KIAA1549: variants seen among roughly 807,000 people sequenced by gnomAD.
The protein encoded by KIAA1549 is KIAA1549.
KIAA1549 carries 70 observed loss-of-function variants against 156.4 expected under a neutral mutation model. The ratio of observed to expected loss-of-function variants is 0.45; its 90% CI spans 0.37 to 0.55. The LOEUF is 0.55. Among genes scored for constraint, KIAA1549 ranks in the 20% least tolerant of loss-of-function variants. KIAA1549 has a pLI of 0.00. For missense variants in KIAA1549, 2,428 were observed against 2,540.9 expected (o/e 0.96, Z 0.96); for synonymous variants, 1,103 against 1,066.4 (o/e 1.03, Z -0.67).
At chr7:138,949,160 T>C (rs1397861296) in intron 1 of KIAA1549, among the ~76,000 whole-genome samples, 1 of 152,202 alleles carries the variant, frequency 6.6e-6, no homozygotes, top group Non-Finnish European at 1.5e-5. Context: ...TTGAGACATC[T>C]GTCTACCAAG....
intron 15 of KIAA1549, among the ~76,000 whole-genome samples, chr7:138,861,826 G>T (rs150979303): frequency 6.6e-6 from 1 of 151,988 alleles, no homozygotes; most frequent in African/African-American, 2.4e-5. Flanking sequence ...AGCTATAATC[G>T]CATCATTGTA....
chr7:138,859,051 A>ACACACACACG, intron 16 of KIAA1549, among the ~76,000 whole-genome samples: 1 of 149,574 alleles, frequency 6.7e-6, no homozygotes, highest in South Asian at 2.1e-4. Context: ...ACACACACAC[A>ACACACACACG]CGAACAGAAA....
In KIAA1549 at chr7:138,852,241, G is replaced by A. The variant is rs756471211; in HGVS notation, c.5276C>T (p.Pro1759Leu). 60 of 1,609,872 alleles carry A rather than the reference G, an allele frequency of 3.7e-5. No homozygotes were observed. Among genetic ancestry groups the A allele is most frequent in the Middle Eastern group, 1.7e-4 (1 of 6,058 alleles). The stretch of plus-strand genomic sequence containing the variant: ...ACCTTACCTTGGCAATGGACCCGTC[G>A]GGGGAGTCATTCCATAGTCTTCGTA... The part of the protein sequence containing the change: ...SRYEDYGMTP[P>L]TGPLPRPGFG... Residue 1759 changes from proline to leucine, a missense_variant, in exon 17 of 20, where the codon CCG (proline) becomes CTG (leucine). Around this residue, in one of 5 missense-constraint regions of KIAA1549, gnomAD observed 363 missense variants for 354.0 expected, o/e 1.03. Coordinates refer to ENST00000422774, the MANE Select transcript of KIAA1549 (RefSeq NM_001164665.2).
At chr7:138,844,596 T>C in intron 17 of KIAA1549, 122 bp from the exon 18 acceptor site, 1 of 907,436 alleles carries the variant, frequency 1.1e-6, no homozygotes. Flanking sequence ...AGCCATCTCC[T>C]CTCCTGGAAG....
chr7:138,967,102 T>C (rs1053409407), intron 1 of KIAA1549, among the ~76,000 whole-genome samples: 11 of 152,146 alleles, frequency 7.2e-5, no homozygotes, highest in African/African-American at 2.7e-4. Context: ...ATTAACTTTG[T>C]CCACTGATGT....
At chr7:138,882,813 C>T (rs540623234) in intron 10 of KIAA1549, among the ~76,000 whole-genome samples, 1 of 151,980 alleles carries the variant, frequency 6.6e-6, no homozygotes, top group African/African-American at 2.4e-5. Context: ...CAAAAACGTG[C>T]CCCACTCAAA....
At chr7:138,902,101 T>TAG (rs1811858970) in intron 8 of KIAA1549, among the ~76,000 whole-genome samples, 1 of 152,238 alleles carries the variant, frequency 6.6e-6, no homozygotes, top group Admixed American at 6.5e-5. Flanking sequence ...TCTTTGTTGA[T>TAG]ACTTATTCGT....
intron 9 of KIAA1549, among the ~76,000 whole-genome samples, chr7:138,896,519 T>C (rs1811688220): frequency 1.3e-5 from 2 of 152,128 alleles, no homozygotes; most frequent in African/African-American, 4.8e-5. Context: ...ACGGACAATA[T>C]AGAAGTACGG....
rs758915500 is a variant in KIAA1549 at position 138,919,177 on chromosome 7, A to G, written c.449T>C (p.Val150Ala). ...ATCCATCTCATCGTCATTGACGGCC[A>G]CCTCTTTACTCGTCACTGACACGTA... Reference protein sequence around the residue: ...ATYVSVTSKEVAVNDDEMDNF... With the variant: ...ATYVSVTSKEAAVNDDEMDNF... The change falls in exon 2 of 20, where the codon GTG (valine) becomes GCG (alanine). Residue 150 changes from valine to alanine, a missense_variant. This residue lies in a region of KIAA1549 where 893 missense variants were observed against 847.9 expected (regional missense o/e 1.05). Coordinates refer to ENST00000422774, the MANE Select transcript of KIAA1549 (RefSeq NM_001164665.2). 3.1e-6 allele frequency: 5 copies of G among 1,613,726 alleles called. No homozygotes were observed. Among genetic ancestry groups the G allele is most frequent in the Non-Finnish European group, 4.2e-6 (5 of 1,179,868 alleles).
At chr7:138,895,641 C>T (rs948623513) in intron 9 of KIAA1549, among the ~76,000 whole-genome samples, 10 of 151,984 alleles carry the variant, frequency 6.6e-5, no homozygotes, top group African/African-American at 2.4e-4. Flanking sequence ...GATGGTTACA[C>T]AGCCTTGTGA....
At chr7:138,903,454 A>T in intron 8 of KIAA1549, 134 bp downstream of exon 8, 1 of 876,680 alleles carries the variant, frequency 1.1e-6, no homozygotes, top group Non-Finnish European at 1.7e-6. Context: ...TATAGCGATC[A>T]GTGGAAATCA....
chr7:138,963,274 A>C (rs981555233), intron 1 of KIAA1549, among the ~76,000 whole-genome samples: 1 of 152,232 alleles, frequency 6.6e-6, no homozygotes, highest in African/African-American at 2.4e-5. Context: ...CAAGATGCAA[A>C]AGGTGCAGGA....
chr7:138,834,779 TA>T lies in KIAA1549; in HGVS notation c.*3126del. ...CATCACTCATCCTAGGGCGTCCACA[TA>T]GACAGCATGCTACATTTTCACAGTG... On this transcript the variant is annotated 3_prime_UTR_variant, in exon 20 of 20. Coordinates refer to ENST00000422774, the MANE Select transcript of KIAA1549 (RefSeq NM_001164665.2). The T allele has an allele frequency of 8.6e-6, 2 of 232,446 alleles. No homozygotes were observed. Among genetic ancestry groups the T allele is most frequent in the Non-Finnish European group, 1.7e-5 (2 of 117,544 alleles). The allele number at this position is 232,446 out of a possible 1,614,324, so 14.4% of individuals were successfully genotyped here.
At chr7:138,904,659 C>T (rs1051240693) in intron 7 of KIAA1549, among the ~76,000 whole-genome samples, 15 of 150,608 alleles carry the variant, frequency 1.0e-4, no homozygotes, top group African/African-American at 3.7e-4. Context: ...GGTGCCAAGC[C>T]ACCCTGCTTG....
chr7:138,849,392 T>C (rs1318458752), intron 17 of KIAA1549, among the ~76,000 whole-genome samples: 7 of 152,110 alleles, frequency 4.6e-5, no homozygotes, highest in Non-Finnish European at 8.8e-5. Context: ...AAGGCAAAAC[T>C]TCCCCCCTAA....
intron 18 of KIAA1549, among the ~76,000 whole-genome samples, chr7:138,841,427 C>T (rs1809914429): frequency 6.6e-6 from 1 of 152,128 alleles, no homozygotes; most frequent in African/African-American, 2.4e-5. Context: ...TAATTACCCC[C>T]CTATACCCAG....
chr7:138,866,364 C>T (rs1043790890), intron 15 of KIAA1549, among the ~76,000 whole-genome samples: 1 of 152,174 alleles, frequency 6.6e-6, no homozygotes, highest in African/African-American at 2.4e-5. Flanking sequence ...TATTTAAGTG[C>T]TTGTTATTTA....
rs1175966053 is a variant in KIAA1549, at chr7:138,871,286, G to A, written c.4422C>T (p.Arg1474=). ...SIFEHVDRIS[R]PPEASRRVPS... is the part of the protein sequence containing the mutation. ...GGACCCGCCGGCTAGCCTCCGGGGG[G>A]CGGGAGATCCTGTCCACGTGCTCGA... Residue 1474 remains arginine, a synonymous_variant, in exon 13 of 20, where the codon CGC becomes CGT. Transcript: ENST00000422774. The A allele has an allele frequency of 1.2e-6, 2 of 1,610,114 alleles. No homozygotes were observed. The highest frequency in any genetic ancestry group is 2.7e-5 in the African/African-American group (2 of 74,854).
chr7:138,981,055 G>T lies in KIAA1549; in HGVS notation c.187+28C>A, dbSNP rs1258016915. 2.5e-6 allele frequency: 3 copies of T among 1,223,148 alleles called. No homozygotes were observed. The highest frequency in any genetic ancestry group is 3.1e-5 in the African/African-American group (2 of 64,160). The allele number at this position is 1,223,148 out of a possible 1,614,324, so 75.8% of individuals were successfully genotyped here. A position where few individuals can be genotyped will look rare whatever the true frequency, so the allele number is the denominator to read the frequency against. ...GATAAAGGCAGGCGGGGTCGCGGCC[G>T]CGTTCCGAGGGTCTCGGCGGAGCTT... On this transcript the variant is annotated intron_variant, in intron 1 of 19. Coordinates refer to ENST00000422774, the MANE Select transcript of KIAA1549 (RefSeq NM_001164665.2). The surrounding 1 kb of genome is among the most constrained non-coding windows in gnomAD (Gnocchi z 4.5).
Sources: gnomAD v4.1 joint callset for allele counts (sites outside exome capture counted in the v4.1 genomes callset) on GRCh38, gnomAD v4.1.1 for gene constraint, gnomAD v4.1.1 regional missense constraint, Gnocchi (gnomAD v3.1) non-coding constraint, MANE v1.5 for transcripts, NCBI Gene and HGNC (gene_info 2026-07-23, HGNC 2026-07-21) for gene names.